The following KCNQ1OT1 variants were observed in gnomAD, a reference collection of about 807,000 sequenced individuals.
The protein encoded by KCNQ1OT1 is KCNQ1 opposite strand/antisense transcript 1.
At chr11:2,646,655 A>G (rs1849670570) in exon 1 of KCNQ1OT1, 1 of 398,470 alleles carries the variant, frequency 2.5e-6, no homozygotes, top group Admixed American at 4.4e-5. Context: ...CCTCCTGAGT[A>G]GCTGAACTTC....
At position 2,619,874 on chromosome 11, in the gene KCNQ1OT1, A is replaced by T. The variant is rs751473850; in HGVS notation, n.80121T>A. On this transcript the variant is annotated non_coding_transcript_exon_variant, in exon 1 of 1. Transcript: ENST00000597346. ...GGGGTTTTTTTAACTTTTATTTTTG[A>T]TTTAGAGGGTATATGTACAGGTCTA... 6.3e-4 allele frequency: 250 copies of T among 397,860 alleles called. No homozygotes were observed. The highest frequency in any genetic ancestry group is 9.4e-4 in the Non-Finnish European group (213 of 226,006). The allele number at this position is 397,860 out of a possible 1,614,324, so 24.6% of individuals were successfully genotyped here.
At chr11:2,631,805 C>T in exon 1 of KCNQ1OT1, 1 of 398,568 alleles carries the variant, frequency 2.5e-6, no homozygotes, top group East Asian at 3.6e-5. Context: ...CCTTGGTGGC[C>T]AAGGCTGAGT....
exon 1 of KCNQ1OT1, chr11:2,622,168 T>C (rs1849184181): frequency 2.5e-6 from 1 of 398,278 alleles, no homozygotes; most frequent in African/African-American, 2.1e-5. Flanking sequence ...TCCCTAAGTA[T>C]TATTGTAGAA....
At position 2,608,439 on chromosome 11, in the gene KCNQ1OT1, C is replaced by G. The variant is rs891167194; in HGVS notation, n.91556G>C. 2.5e-6 allele frequency: 1 copy of G among 398,358 alleles called. No individual in the cohort carries two copies. Among genetic ancestry groups the G allele is most frequent in the African/African-American group, 2.1e-5 (1 of 48,570 alleles). The allele number at this position is 398,358 out of a possible 1,614,324, so 24.7% of individuals were successfully genotyped here. Reference sequence around the variant, plus strand: ...TGTTCCTTCATAATCCTTTTTATTTCTGTCAGGTTGGTAGTATACTTCCCT... The same window carrying G: ...TGTTCCTTCATAATCCTTTTTATTTGTGTCAGGTTGGTAGTATACTTCCCT... On this transcript the variant is annotated non_coding_transcript_exon_variant, in exon 1 of 1. Coordinates refer to ENST00000597346, the Ensembl canonical transcript of KCNQ1OT1. This position sits in a 1 kb window ranked among gnomAD's most constrained non-coding sequence, Gnocchi z 4.6.
exon 1 of KCNQ1OT1, chr11:2,641,696 A>C (rs1849579656): frequency 5.0e-6 from 2 of 398,296 alleles, no homozygotes; most frequent in South Asian, 2.5e-4. Context: ...TCTTATCCAT[A>C]AAATCTTTCC....
exon 1 of KCNQ1OT1, chr11:2,636,388 G>C (rs979498860): frequency 1.1e-4 from 16 of 151,910 alleles, no homozygotes; most frequent in Non-Finnish European, 1.5e-5. Flanking sequence ...AGAGTTTTTA[G>C]CATGAAGGGC....
exon 1 of KCNQ1OT1, chr11:2,693,484 A>C (rs1850622690): frequency 5.0e-6 from 2 of 398,554 alleles, no homozygotes; most frequent in Admixed American, 8.8e-5. Context: ...TACAATTAGC[A>C]GGAGAAAGGC....
At chr11:2,680,990 A>G (rs544159689) in exon 1 of KCNQ1OT1, 1 of 398,542 alleles carries the variant, frequency 2.5e-6, no homozygotes, top group East Asian at 3.6e-5. Context: ...ATCATAGGTG[A>G]AATAGGTATG....
chr11:2,665,374 G>A (rs1850048375), exon 1 of KCNQ1OT1: 5 of 397,956 alleles, frequency 1.3e-5, no homozygotes, highest in Non-Finnish European at 2.2e-5. Context: ...CATGACAAGA[G>A]GAGCCCTGTA....
At chr11:2,665,026 G>A (rs748704337) in exon 1 of KCNQ1OT1, 11 of 398,534 alleles carry the variant, frequency 2.8e-5, no homozygotes, top group Non-Finnish European at 2.7e-5. Flanking sequence ...GAGGTGGGGT[G>A]GGGGGTGAGC....
At chr11:2,689,801 G>A (rs965537141) in exon 1 of KCNQ1OT1, 21 of 398,608 alleles carry the variant, frequency 5.3e-5, no homozygotes, top group Admixed American at 8.8e-5. Context: ...GAAGCACTGC[G>A]TTCTCAGTGT....
chr11:2,640,880 A>T (rs998400543), exon 1 of KCNQ1OT1: 5 of 399,490 alleles, frequency 1.3e-5, no homozygotes, highest in Non-Finnish European at 1.3e-5. Context: ...CTCTACCTCC[A>T]TGAGATCAAC....
At position 2,661,248 on chromosome 11, in the gene KCNQ1OT1, A is replaced by G. The variant is rs1849950997; in HGVS notation, n.38747T>C. 1.0e-5 allele frequency: 4 copies of G among 399,192 alleles called. No individual in the cohort carries two copies. The highest frequency in any genetic ancestry group is 1.3e-5 in the Non-Finnish European group (3 of 226,502). The allele number at this position is 399,192 out of a possible 1,614,324, so 24.7% of individuals were successfully genotyped here. A position where few individuals can be genotyped will look rare whatever the true frequency, so the allele number is the denominator to read the frequency against. On this transcript the variant is annotated non_coding_transcript_exon_variant, in exon 1 of 1. Transcript: ENST00000597346. This position sits in a 1 kb window ranked among gnomAD's most constrained non-coding sequence, Gnocchi z 5.9. Reference sequence around the variant, plus strand: ...GATGAGTACTTAATCCTTTTGCAATAAAATATTTAAATGAAGACAAATATA... The same window carrying G: ...GATGAGTACTTAATCCTTTTGCAATGAAATATTTAAATGAAGACAAATATA...
chr11:2,641,274 C>G (rs972459669), exon 1 of KCNQ1OT1: 6 of 398,272 alleles, frequency 1.5e-5, no homozygotes, highest in African/African-American at 1.2e-4. Context: ...ACATTCCCAC[C>G]AACAGTGTAT....
chr11:2,693,926 G>A (rs533510329), exon 1 of KCNQ1OT1: 5 of 398,764 alleles, frequency 1.3e-5, no homozygotes, highest in African/African-American at 1.0e-4. Context: ...CCTGGATCCG[G>A]TATCCGCTGA....
Position 2,626,313 on chromosome 11 carries a change from T to C in KCNQ1OT1, n.73682A>G. ...CTTCATTCTCTTGAGTTAATTTTTG[T>C]GTATGGTATTAGGTAAGGGTCTCAA... is the stretch of plus-strand genomic sequence containing the variant. On this transcript the variant is annotated non_coding_transcript_exon_variant, in exon 1 of 1. Coordinates refer to ENST00000597346, the Ensembl canonical transcript of KCNQ1OT1. The surrounding 1 kb of genome is among the most constrained non-coding windows in gnomAD (Gnocchi z 4.0). 1 of 398,564 alleles carries C rather than the reference T, an allele frequency of 2.5e-6. No individual in the cohort carries two copies. Among genetic ancestry groups the C allele is most frequent in the Non-Finnish European group, 4.4e-6 (1 of 226,064 alleles). The allele number at this position is 398,564 out of a possible 1,614,324, so 24.7% of individuals were successfully genotyped here.
chr11:2,623,071 T>C lies in KCNQ1OT1; in HGVS notation n.76924A>G. The C allele has an allele frequency of 2.5e-6, 1 of 398,690 alleles. No homozygotes were observed. Among genetic ancestry groups the C allele is most frequent in the Non-Finnish European group, 4.4e-6 (1 of 226,106 alleles). 24.7% of individuals were successfully genotyped at this position (398,690 alleles called of 1,614,324 possible). On this transcript the variant is annotated non_coding_transcript_exon_variant, in exon 1 of 1. Coordinates refer to ENST00000597346, the Ensembl canonical transcript of KCNQ1OT1. The surrounding 1 kb of genome is among the most constrained non-coding windows in gnomAD (Gnocchi z 5.2). The stretch of plus-strand genomic sequence containing the variant: ...GCAAACTTCCCCCTTGCTGTTCTCA[T>C]GATAGTGAGTTCTCATGAGATCTGG...
At chr11:2,699,037 C>G (rs1020713754) in exon 1 of KCNQ1OT1, 5 of 398,640 alleles carry the variant, frequency 1.3e-5, no homozygotes, top group East Asian at 3.6e-5. Flanking sequence ...ATTTCCGACT[C>G]CGGTCCCAAT....
At chr11:2,633,588 T>C (rs1436627226) in exon 1 of KCNQ1OT1, 3 of 398,486 alleles carry the variant, frequency 7.5e-6, no homozygotes, top group African/African-American at 2.1e-5. Flanking sequence ...GCATATGATA[T>C]CCTGTTTTCC....
Sources: allele counts gnomAD v4.1 joint callset, GRCh38; gene constraint gnomAD v4.1.1; non-coding constraint Gnocchi (gnomAD v3.1); transcripts MANE v1.5; gene names NCBI Gene and HGNC (gene_info 2026-07-23, HGNC 2026-07-21).